The following HMG20A variants were observed in gnomAD, a reference collection of about 807,000 sequenced individuals.
HMG20A encodes the protein high mobility group protein 20A.
A neutral mutation model predicts 43.9 loss-of-function variants in HMG20A; 17 were observed. The ratio of observed to expected loss-of-function variants is 0.39; its 90% CI spans 0.27 to 0.58. HMG20A has a LOEUF of 0.58. HMG20A is among the 20% of genes least tolerant of loss of function. The pLI is 0.59. For synonymous variants in HMG20A, 132 were observed against 147.5 expected (o/e 0.89, Z 0.76); for missense variants, 341 against 438.2 (o/e 0.78, Z 1.98).
chr15:77,507,891 TGAGC>T, the HMG20A span, among the ~76,000 whole-genome samples: 5 of 122,322 alleles, frequency 4.1e-5, no homozygotes, highest in East Asian at 1.1e-3. Context: ...GGGGCGGTGC[TGAGC>T]GTAGGTCTGG....
the HMG20A span, among the ~76,000 whole-genome samples, chr15:77,503,854 C>T: frequency 1.3e-5 from 2 of 152,068 alleles, no homozygotes; most frequent in Non-Finnish European, 2.9e-5. Flanking sequence ...TATGTATGCT[C>T]CCGGTCTCTG....
chr15:77,450,175 G>A (rs185284818), intron 1 of HMG20A, among the ~76,000 whole-genome samples: 1 of 151,972 alleles, frequency 6.6e-6, no homozygotes, highest in East Asian at 1.9e-4. Flanking sequence ...TGTCGCCCAG[G>A]CTGGAGTGCA....
At chr15:77,502,730 G>C in the HMG20A span, among the ~76,000 whole-genome samples, 2 of 152,134 alleles carry the variant, frequency 1.3e-5, no homozygotes, top group African/African-American at 4.8e-5. Flanking sequence ...CACTTCGAGA[G>C]GCCAAGGCAA....
chr15:77,467,797 T>C (rs2072770066), intron 4 of HMG20A, among the ~76,000 whole-genome samples: 1 of 152,208 alleles, frequency 6.6e-6, no homozygotes, highest in African/African-American at 2.4e-5. Flanking sequence ...TTCTTTCTCC[T>C]CTAAGACAGA....
chr15:77,473,304 T>G (rs1292477686), intron 6 of HMG20A, among the ~76,000 whole-genome samples: 1 of 152,216 alleles, frequency 6.6e-6, no homozygotes, highest in East Asian at 1.9e-4. Context: ...CTTTGTATTT[T>G]AAATCATAAT....
At chr15:77,477,378 C>T (rs2072866020) in intron 6 of HMG20A, among the ~76,000 whole-genome samples, 177 bp from the exon 7 acceptor site, 1 of 152,196 alleles carries the variant, frequency 6.6e-6, no homozygotes, top group Admixed American at 6.5e-5. Flanking sequence ...CCTGCTTAAG[C>T]TCTGTGAAAG....
rs1567407690 is a variant in HMG20A, at chr15:77,478,371, C to CGTGGAGAGCATGCGCACAGCA, written c.776_796dup (p.Ser259_Glu265dup). 1 of 1,613,624 alleles carries CGTGGAGAGCATGCGCACAGCA rather than the reference C, an allele frequency of 6.2e-7. No homozygotes were observed. Among genetic ancestry groups the CGTGGAGAGCATGCGCACAGCA allele is most frequent in the Admixed American group, 1.7e-5 (1 of 60,016 alleles). ...AGAGGAATGCAGCCCTGCAAAAGCA[C>CGTGGAGAGCATGCGCACAGCA]GTGGAGAGCATGCGCACAGCAGTGG... On this transcript the variant is annotated inframe_insertion, in exon 8 of 10. Coordinates refer to ENST00000336216, the MANE Select transcript of HMG20A (RefSeq NM_001304504.2).
the HMG20A span, among the ~76,000 whole-genome samples, chr15:77,500,277 C>G: frequency 2.0e-5 from 3 of 152,202 alleles, no homozygotes; most frequent in African/African-American, 7.2e-5. Context: ...AGCCACATAG[C>G]TATTACACCT....
At chr15:77,432,248 G>T (rs1261341940) in intron 1 of HMG20A, among the ~76,000 whole-genome samples, 1 of 152,122 alleles carries the variant, frequency 6.6e-6, no homozygotes, top group African/African-American at 2.4e-5. Flanking sequence ...GAAAATACAT[G>T]TGAATCAGTT....
At chr15:77,471,900 A>G (rs1333511145) in intron 6 of HMG20A, 86 bp downstream of exon 6, 7 of 695,376 alleles carry the variant, frequency 1.0e-5, no homozygotes, top group Non-Finnish European at 1.4e-5. Flanking sequence ...TTTTTTTTTA[A>G]TGAATGGCAA....
At chr15:77,469,621 G>A (rs1216901926) in intron 4 of HMG20A, among the ~76,000 whole-genome samples, 1 of 152,072 alleles carries the variant, frequency 6.6e-6, no homozygotes, top group Non-Finnish European at 1.5e-5. Context: ...ACAGATATGA[G>A]CCACCATGCC....
intron 3 of HMG20A, 131 bp from the exon 4 acceptor site, chr15:77,466,964 T>C: frequency 1.4e-6 from 1 of 706,158 alleles, no homozygotes; most frequent in Non-Finnish European, 2.4e-6. Flanking sequence ...TGGAGAGCTT[T>C]GAATATCCAG....
chr15:77,426,662 C>CA (rs970482775), intron 1 of HMG20A, among the ~76,000 whole-genome samples: 13 of 151,432 alleles, frequency 8.6e-5, no homozygotes, highest in East Asian at 1.9e-4. Context: ...GTCAACTGTA[C>CA]AAAAAAAATC....
At chr15:77,442,560 T>G (rs888849117) in intron 1 of HMG20A, among the ~76,000 whole-genome samples, 1 of 152,216 alleles carries the variant, frequency 6.6e-6, no homozygotes, top group African/African-American at 2.4e-5. Flanking sequence ...AGCATGAGGT[T>G]TATAAATTGT....
At chr15:77,447,657 G>C (rs1460615316) in intron 1 of HMG20A, 1 of 152,158 alleles carries the variant, frequency 6.6e-6, no homozygotes, top group Non-Finnish European at 1.5e-5. Flanking sequence ...CATAAAGATA[G>C]AAGTTTAATT....
chr15:77,421,158 A>G (rs1464858606), intron 1 of HMG20A, 154 bp downstream of exon 1: 1 of 273,580 alleles, frequency 3.7e-6, no homozygotes, highest in African/African-American at 2.3e-5. Flanking sequence ...GGAGGGGAGG[A>G]AGGCCGTCCT....
the HMG20A span, among the ~76,000 whole-genome samples, chr15:77,495,990 C>T: frequency 6.6e-6 from 1 of 152,196 alleles, no homozygotes; most frequent in African/African-American, 2.4e-5. Flanking sequence ...CCACTGGCTG[C>T]TTCTGGCTTC....
the HMG20A span, among the ~76,000 whole-genome samples, chr15:77,495,345 C>T: frequency 1.3e-5 from 2 of 152,010 alleles, no homozygotes; most frequent in Admixed American, 6.6e-5. Context: ...GTCAGGCGTT[C>T]GAGACCAGCC....
intron 1 of HMG20A, among the ~76,000 whole-genome samples, chr15:77,436,965 C>T (rs539935536): frequency 4.6e-5 from 7 of 152,260 alleles, no homozygotes; most frequent in Admixed American, 2.0e-4. Flanking sequence ...TTGTTGCTTT[C>T]CTCTCTGGCT....
Sources: allele counts gnomAD v4.1 joint callset (sites outside exome capture counted in the v4.1 genomes callset), GRCh38; gene constraint gnomAD v4.1.1; transcripts MANE v1.5; gene names NCBI Gene and HGNC (gene_info 2026-07-23, HGNC 2026-07-21).